The following OCEL1 variants were observed in gnomAD, a reference collection of about 807,000 sequenced individuals.
OCEL1 encodes occludin/ELL domain-containing protein 1.
In OCEL1, 24 loss-of-function variants were observed where a neutral mutation model predicts 29.4. The ratio of observed to expected loss-of-function variants is 0.82; its 90% CI spans 0.59 to 1.15. The LOEUF (loss-of-function observed/expected upper bound fraction) is 1.15, where lower values mean the gene tolerates loss of function less well. Among genes scored for constraint, OCEL1 ranks in the 50% most tolerant of loss-of-function variants. The probability of loss-of-function intolerance (pLI) is 0.00; values close to 1 mark genes in which losing one functional copy is unlikely to be tolerated. For synonymous variants in OCEL1, 172 were observed against 145.3 expected (o/e 1.18, Z -1.32); for missense variants, 402 against 352.5 (o/e 1.14, Z -1.13).
At chr19:17,227,560 G>A (rs549838226) in intron 3 of OCEL1, among the ~76,000 whole-genome samples, 89 of 152,168 alleles carry the variant, frequency 5.8e-4, no homozygotes, top group East Asian at 7.7e-4. Flanking sequence ...ATATAGTGGC[G>A]CATGCCTGTA....
chr19:17,226,266 A>G lies in OCEL1; in HGVS notation c.19A>G (p.Ser7Gly). 1 of 1,611,996 alleles carries G rather than the reference A, an allele frequency of 6.2e-7. No individual in the cohort carries two copies. The highest frequency in any genetic ancestry group is 8.5e-7 in the Non-Finnish European group (1 of 1,179,408). ...GCAGTAAATGCACAACCCGGACGGA[A>G]GTGCCTCTCCGACAGCAGATCCAGG... is the stretch of plus-strand genomic sequence containing the variant. MHNPDG[S>G]ASPTADPGSE... Residue 7 changes from serine to glycine, a missense_variant, in exon 1 of 6, where the codon AGT becomes GGT. By Grantham distance (56) the Ser-to-Gly change is moderately conservative. Coordinates refer to ENST00000215061, the MANE Select transcript of OCEL1 (RefSeq NM_024578.3).
Position 17,228,807 on chromosome 19 carries a change from C to T in OCEL1, c.677C>T (p.Pro226Leu). The T allele has an allele frequency of 6.2e-7, 1 of 1,613,098 alleles. No homozygotes were observed. Among genetic ancestry groups the T allele is most frequent in the Non-Finnish European group, 8.5e-7 (1 of 1,179,842 alleles). The change falls in exon 6 of 6, where the codon CCT (proline) becomes CTT (leucine). Residue 226 changes from proline to leucine, a missense_variant. Physicochemically the swap from Pro to Leu is moderately conservative, Grantham distance 98. Coordinates refer to ENST00000215061, the MANE Select transcript of OCEL1 (RefSeq NM_024578.3). ...WREFEMKRMD[P>L]GFLDKQARCH... is the part of the protein sequence containing the mutation. ...TCCGGGTCTCGCCCTGCCTAGGATC[C>T]TGGCTTCCTGGACAAGCAGGCTCGC...
Position 17,226,811 on chromosome 19 carries a change from C to A in OCEL1, c.188C>A (p.Pro63Gln). Residue 63 changes from proline to glutamine, a missense_variant, in exon 2 of 6, where the codon CCA (proline) becomes CAA (glutamine). Physicochemically the swap from Pro to Gln is moderately conservative, Grantham distance 76. Coordinates refer to ENST00000215061, the MANE Select transcript of OCEL1 (RefSeq NM_024578.3). Reference sequence around the variant, plus strand: ...AGGCCGATGCCCACCCGGGAGCCCCCAAAGACTCGCGGCTCCCGGGGGCAC... The same window carrying A: ...AGGCCGATGCCCACCCGGGAGCCCCAAAAGACTCGCGGCTCCCGGGGGCAC... ...SRRPMPTREP[P>Q]KTRGSRGHLH... The A allele has an allele frequency of 6.3e-7, 1 of 1,591,346 alleles. No individual in the cohort carries two copies. The highest frequency in any genetic ancestry group is 2.3e-5 in the East Asian group (1 of 43,518).
rs147318022 is a variant in OCEL1 at position 17,228,459 on chromosome 19, C to T, written c.672+150C>T. On this transcript the variant is annotated intron_variant, in intron 5 of 5. Transcript: ENST00000215061. ...GGAGTGCAGTGGTATGATCTCAGCT[C>T]ACTGCAACCTCAGCGTCCCGGGTTC... 6.0e-3 allele frequency: 4,691 copies of T among 775,714 alleles called. 152 individuals carry two copies. In the African/African-American group the frequency reaches 0.074, roughly 12 times the overall value. 48.1% of individuals were successfully genotyped at this position (775,714 alleles called of 1,614,324 possible).
At chr19:17,226,470 G>A (rs2073360208) in intron 1 of OCEL1, 154 bp downstream of exon 1, 2 of 1,003,286 alleles carry the variant, frequency 2.0e-6, no homozygotes, top group East Asian at 2.6e-5. Context: ...AGGCTGCGCG[G>A]CGACGTCAGA....
intron 5 of OCEL1, 83 bp downstream of exon 5, chr19:17,228,392 T>C (rs1568313755): frequency 4.3e-6 from 6 of 1,402,618 alleles, no homozygotes; most frequent in Non-Finnish European, 5.9e-6. Context: ...TTCTTTTTTT[T>C]TTCTTTCTTT....
rs534298326 is a variant in OCEL1, at chr19:17,228,098, T to A, written c.618+93T>A. The A allele has an allele frequency of 7.7e-6, 12 of 1,553,652 alleles. 1 individual carries two copies. The South Asian group carries it at 1.4e-4, about 18-fold the overall frequency. Reference sequence around the variant, plus strand: ...CCCACTGGGTCCAGATTTCCAGGACTCTTTCTCCTCTCGGTTGGCTGGGCG... The same window carrying A: ...CCCACTGGGTCCAGATTTCCAGGACACTTTCTCCTCTCGGTTGGCTGGGCG... On this transcript the variant is annotated intron_variant, in intron 4 of 5. Transcript: ENST00000215061.
intron 5 of OCEL1, 102 bp from the exon 6 acceptor site, chr19:17,228,701 G>T: frequency 6.7e-6 from 10 of 1,503,646 alleles, no homozygotes; most frequent in Non-Finnish European, 7.1e-6. Context: ...CCAGTTTCAA[G>T]GAGAGAAAAT....
At position 17,226,749 on chromosome 19, in the gene OCEL1, C is replaced by A. The variant is rs771482894; in HGVS notation, c.126C>A (p.Arg42=). 4 of 1,578,958 alleles carry A rather than the reference C, an allele frequency of 2.5e-6. No individual in the cohort carries two copies. The highest frequency in any genetic ancestry group is 3.4e-6 in the Non-Finnish European group (4 of 1,168,314). The change falls in exon 2 of 6, where the codon CGC becomes CGA. Residue 42 remains arginine, a synonymous_variant. Coordinates refer to ENST00000215061, the MANE Select transcript of OCEL1 (RefSeq NM_024578.3). ...RAGHDAPRRT[R]PSARKPLSCF... The stretch of plus-strand genomic sequence containing the variant: ...GACACGACGCCCCCCGCAGGACCCG[C>A]CCATCAGCCCGGAAACCCCTGAGCT...
intron 1 of OCEL1, 95 bp from the exon 2 acceptor site, chr19:17,226,598 C>G (rs1463598451): frequency 1.9e-5 from 25 of 1,301,868 alleles, no homozygotes; most frequent in Non-Finnish European, 2.4e-5. Context: ...TCTGCTCCCG[C>G]GGGGTGAGAG....
chr19:17,226,390 T>TCGTCTGTGGGCTCTGC, intron 1 of OCEL1, 74 bp downstream of exon 1: 2 of 1,536,266 alleles, frequency 1.3e-6, no homozygotes, highest in Non-Finnish European at 1.8e-6. Context: ...TCGGGCGCGG[T>TCGTCTGTGGGCTCTGC]CGTCTGTGGG....
At position 17,226,321 on chromosome 19, in the gene OCEL1, C is replaced by T. The variant is rs1291526619; in HGVS notation, c.69+5C>T. The T allele has an allele frequency of 2.5e-6, 4 of 1,610,800 alleles. No individual in the cohort carries two copies. The highest frequency in any genetic ancestry group is 3.4e-6 in the Non-Finnish European group (4 of 1,179,208). The stretch of plus-strand genomic sequence containing the variant: ...GAGCTCCAGACGCTGGGACAGGTGA[C>T]CCGGGGCGGTAGCGAGCCGGACGGC... On this transcript the variant is annotated splice_donor_5th_base_variant and intron_variant, in intron 1 of 5. Transcript: ENST00000215061.
chr19:17,228,563 G>T, intron 5 of OCEL1: 2 of 590,596 alleles, frequency 3.4e-6, no homozygotes, highest in South Asian at 4.2e-5. Flanking sequence ...TAGTAGAGAT[G>T]GGGTTTCACC....
Position 17,227,988 on chromosome 19 carries a change from C to T in OCEL1, c.601C>T (p.Pro201Ser), listed in dbSNP as rs1416314459. The part of the protein sequence containing the change: ...RQLEALLSSL[P>S]PPQSQKEAQV... ...GCTGGAGGCCCTGCTGAGCTCCCTG[C>T]CCCCACCCCAAAGCCAGGTCAGCAC... Residue 201 changes from proline to serine, a missense_variant, in exon 4 of 6, where the codon CCC becomes TCC. Pro to Ser is a moderately conservative substitution (Grantham distance 74, BLOSUM62 -1). Coordinates refer to ENST00000215061, the MANE Select transcript of OCEL1 (RefSeq NM_024578.3). The T allele has an allele frequency of 6.2e-7, 1 of 1,612,074 alleles. No individual in the cohort carries two copies. The highest frequency in any genetic ancestry group is 8.5e-7 in the Non-Finnish European group (1 of 1,179,968).
Position 17,227,017 on chromosome 19 carries a change from C to A in OCEL1, c.270C>A (p.Gly90=). 1.9e-6 allele frequency: 3 copies of A among 1,592,722 alleles called. No homozygotes were observed. Among genetic ancestry groups the A allele is most frequent in the Non-Finnish European group, 2.6e-6 (3 of 1,173,742 alleles). ...GPPLQGLAPR[G]LKTSAPRPPC... ...AGCTGCAGGGACTGGCGCCCCGAGG[C>A]CTCAAAACCAGCGCCCCCCGCCCTC... The change falls in exon 3 of 6, where the codon GGC becomes GGA. Residue 90 remains glycine (G), a synonymous_variant. Transcript: ENST00000215061.
At chr19:17,228,704 G>A (rs1440069200) in intron 5 of OCEL1, 99 bp from the exon 6 acceptor site, 2 of 1,510,214 alleles carry the variant, frequency 1.3e-6, no homozygotes, top group Admixed American at 4.0e-5. Context: ...GTTTCAAGGA[G>A]AGAAAATTGA....
chr19:17,228,790 T>C lies in OCEL1; in HGVS notation c.673-13T>C, dbSNP rs763651350. On this transcript the variant is annotated splice_polypyrimidine_tract_variant and intron_variant, in intron 5 of 5. Transcript: ENST00000215061. ...AGACTGCTGCAAAGACTTCCGGGTC[T>C]CGCCCTGCCTAGGATCCTGGCTTCC... 3 of 1,611,562 alleles carry C rather than the reference T, an allele frequency of 1.9e-6. No homozygotes were observed. Among genetic ancestry groups the C allele is most frequent in the Non-Finnish European group, 2.5e-6 (3 of 1,179,462 alleles).
At chr19:17,228,384 CTTTTT>C (rs113462551) in intron 5 of OCEL1, 75 bp downstream of exon 5, 246 of 1,281,074 alleles carry the variant, frequency 1.9e-4, no homozygotes, top group East Asian at 1.4e-3. Flanking sequence ...TGCCCAGTTT[CTTTTT>C]TTTTTCTTTC....
At chr19:17,228,593 C>T (rs545590463) in intron 5 of OCEL1, 13 of 626,932 alleles carry the variant, frequency 2.1e-5, no homozygotes, top group African/African-American at 3.7e-5. Flanking sequence ...AGGCTGGTCT[C>T]GAACTCCTGA....
Sources: gnomAD v4.1 joint callset for allele counts (sites outside exome capture counted in the v4.1 genomes callset) on GRCh38, gnomAD v4.1.1 for gene constraint, MANE v1.5 for transcripts, NCBI Gene and HGNC (gene_info 2026-07-23, HGNC 2026-07-21) for gene names.